MGMT: variants seen among roughly 807,000 people sequenced by gnomAD.
MGMT encodes methylated-DNA--protein-cysteine methyltransferase.
Under a neutral mutation model 15.9 loss-of-function variants are expected in MGMT, and 14 were observed. That is an observed-to-expected ratio of 0.88 (90% confidence interval 0.58 to 1.37). The LOEUF (loss-of-function observed/expected upper bound fraction) is 1.37. Ranked by LOEUF, MGMT falls within the 40% of genes most tolerant of loss-of-function variation. MGMT has a pLI of 0.00. For missense variants in MGMT, 282 were observed against 268.1 expected (o/e 1.05, Z -0.36); for synonymous variants, 130 against 118.2 (o/e 1.10, Z -0.65).
intron 2 of MGMT, among the ~76,000 whole-genome samples, chr10:129,674,479 G>A (rs1847762258): frequency 1.3e-5 from 2 of 152,168 alleles, no homozygotes; most frequent in African/African-American, 2.4e-5. Flanking sequence ...GTGGACTCTT[G>A]CTCCTTCCTG....
At chr10:129,651,004 G>A (rs1010897290) in intron 2 of MGMT, among the ~76,000 whole-genome samples, 1 of 152,196 alleles carries the variant, frequency 6.6e-6, no homozygotes, top group South Asian at 2.1e-4. Flanking sequence ...TGTGCAAGGG[G>A]CTGATCTGAA....
At chr10:129,756,242 G>A (rs923990025) in intron 3 of MGMT, among the ~76,000 whole-genome samples, 12 of 152,178 alleles carry the variant, frequency 7.9e-5, no homozygotes, top group Non-Finnish European at 1.6e-4. Context: ...CCAAGATGCA[G>A]GTCCTCTCCC....
At chr10:129,497,500 G>A (rs1274455038) in intron 1 of MGMT, among the ~76,000 whole-genome samples, 2 of 152,138 alleles carry the variant, frequency 1.3e-5, no homozygotes, top group Admixed American at 1.3e-4. Flanking sequence ...ATAAATTTTA[G>A]ACTTGCTGAA....
At chr10:129,611,930 G>T (rs985063640) in intron 2 of MGMT, among the ~76,000 whole-genome samples, 2 of 152,198 alleles carry the variant, frequency 1.3e-5, no homozygotes, top group African/African-American at 4.8e-5. Flanking sequence ...GATTTATTCT[G>T]AGCCAAATAT....
intron 2 of MGMT, among the ~76,000 whole-genome samples, chr10:129,622,121 C>T (rs188110341): frequency 4.6e-5 from 7 of 152,122 alleles, no homozygotes; most frequent in African/African-American, 1.2e-4. Flanking sequence ...CAACAGAAGG[C>T]GATAAAAGAT....
chr10:129,649,681 A>T (rs770103335), intron 2 of MGMT, among the ~76,000 whole-genome samples: 1 of 152,252 alleles, frequency 6.6e-6, no homozygotes, highest in Non-Finnish European at 1.5e-5. Flanking sequence ...CAGGGCCCAA[A>T]GTTATAAATC....
intron 3 of MGMT, among the ~76,000 whole-genome samples, chr10:129,734,802 G>T (rs1848541762): frequency 6.6e-6 from 1 of 152,090 alleles, no homozygotes; most frequent in Admixed American, 6.6e-5. Context: ...GGCCTTTTCT[G>T]CATCTATTGA....
At chr10:129,644,334 A>G (rs546103481) in intron 2 of MGMT, among the ~76,000 whole-genome samples, 1 of 152,368 alleles carries the variant, frequency 6.6e-6, no homozygotes, top group East Asian at 1.9e-4. Context: ...ATGGCAGTAC[A>G]CTGCGGCATG....
intron 2 of MGMT, among the ~76,000 whole-genome samples, chr10:129,683,331 AGAAAG>A (rs1363049315): frequency 6.6e-6 from 1 of 152,220 alleles, no homozygotes. Flanking sequence ...AATTTAGGAA[AGAAAG>A]GAAACTCTTA....
intron 2 of MGMT, among the ~76,000 whole-genome samples, chr10:129,582,148 C>T (rs529325783): frequency 1.4e-4 from 21 of 152,322 alleles, no homozygotes; most frequent in South Asian, 1.2e-3. Context: ...ATCATTCGGA[C>T]GCTTTCCAGG....
At chr10:129,730,252 A>G (rs1848480849) in intron 3 of MGMT, among the ~76,000 whole-genome samples, 1 of 152,164 alleles carries the variant, frequency 6.6e-6, no homozygotes. Context: ...CTCACTACCA[A>G]CTGCAGTGAA....
At chr10:129,716,423 C>T (rs1848298419) in intron 3 of MGMT, among the ~76,000 whole-genome samples, 1 of 152,062 alleles carries the variant, frequency 6.6e-6, no homozygotes, top group Non-Finnish European at 1.5e-5. Flanking sequence ...ATGTGTGTGC[C>T]CACACTGTCT....
rs902079755 is a variant in MGMT at position 129,651,209 on chromosome 10, C to T, written c.126-56686C>T. Among the ~76,000 whole-genome samples, 17 of 152,316 alleles carry T rather than the reference C, an allele frequency of 1.1e-4. No homozygotes were observed. The South Asian group carries it at 1.7e-3, about 15-fold the overall frequency. On this transcript the variant is annotated intron_variant, in intron 2 of 4. Coordinates refer to ENST00000651593, the MANE Select transcript of MGMT (RefSeq NM_002412.5). ...GGCCCCGACCCGGAGGCTCCTGCCC[C>T]GTAGCTCAGGTCCCGTCTTGGCCTC...
intron 2 of MGMT, among the ~76,000 whole-genome samples, chr10:129,558,959 C>T (rs761938678): frequency 2.6e-5 from 4 of 152,146 alleles, no homozygotes; most frequent in Non-Finnish European, 5.9e-5. Context: ...CATTTCACTC[C>T]CATAATCAGC....
At chr10:129,737,163 T>C (rs1419150360) in intron 3 of MGMT, among the ~76,000 whole-genome samples, 1 of 152,236 alleles carries the variant, frequency 6.6e-6, no homozygotes, top group African/African-American at 2.4e-5. Flanking sequence ...TTTTCCAACT[T>C]GGTTCCATTC....
chr10:129,665,395 G>A (rs1437757492), intron 2 of MGMT, among the ~76,000 whole-genome samples: 1 of 151,676 alleles, frequency 6.6e-6, no homozygotes, highest in African/African-American at 2.4e-5. Context: ...AACTGAGTAA[G>A]TAGATAAGCT....
At chr10:129,584,737 C>T (rs192395344) in intron 2 of MGMT, among the ~76,000 whole-genome samples, 1 of 152,296 alleles carries the variant, frequency 6.6e-6, no homozygotes, top group East Asian at 1.9e-4. Flanking sequence ...GAATCCTGCA[C>T]CATGTGGCCT....
At chr10:129,523,210 T>G (rs1845832036) in intron 1 of MGMT, among the ~76,000 whole-genome samples, 2 of 152,176 alleles carry the variant, frequency 1.3e-5, no homozygotes, top group Admixed American at 1.3e-4. Flanking sequence ...GGCGGGGGCC[T>G]CGGCGGGCAC....
rs923780827 is a variant in MGMT at position 129,532,415 on chromosome 10, T to G, written c.-12-3826T>G. 6.6e-6 allele frequency among the ~76,000 whole-genome samples: 1 copy of G among 152,166 alleles called. No individual in the cohort carries two copies. The highest frequency in any genetic ancestry group is 1.5e-5 in the Non-Finnish European group (1 of 68,026). The stretch of plus-strand genomic sequence containing the variant: ...CAACCGCTGGCCTCCCAAGTTTGGC[T>G]TCTTGTGGTCAGGGCCCAGACCATG... On this transcript the variant is annotated intron_variant, in intron 1 of 4. Transcript: ENST00000651593. The surrounding 1 kb of genome is among the most constrained non-coding windows in gnomAD (Gnocchi z 5.3).
Sources: allele counts gnomAD v4.1 joint callset (sites outside exome capture counted in the v4.1 genomes callset), GRCh38; gene constraint gnomAD v4.1.1; non-coding constraint Gnocchi (gnomAD v3.1); transcripts MANE v1.5; gene names NCBI Gene and HGNC (gene_info 2026-07-23, HGNC 2026-07-21).